Variants in PTAR1 observed in about 807,000 individuals in gnomAD.
The protein encoded by PTAR1 is protein prenyltransferase alpha subunit repeat-containing protein 1.
PTAR1 carries 17 observed loss-of-function variants against 45.5 expected under a neutral mutation model. The ratio of observed to expected loss-of-function variants is 0.37; its 90% CI spans 0.26 to 0.56. PTAR1 has a LOEUF of 0.56. Ranked by LOEUF, PTAR1 falls within the 20% of genes least tolerant of loss-of-function variation. The pLI is 0.77. For missense variants in PTAR1, 391 were observed against 476.3 expected (o/e 0.82, Z 1.67); for synonymous variants, 169 against 171.3 (o/e 0.99, Z 0.11).
chr9:69,749,318 C>T lies in PTAR1; in HGVS notation c.256+1463G>A, dbSNP rs146089748. Among the ~76,000 whole-genome samples, 212 of 152,150 alleles carry T rather than the reference C, an allele frequency of 1.4e-3. 6 individuals are homozygous for T. The East Asian group carries it at 0.034, about 25-fold the overall frequency. On this transcript the variant is annotated intron_variant, in intron 2 of 7. Transcript: ENST00000340434. Reference sequence around the variant, plus strand: ...AACTAAAGTTAGTTATACATTGGTTCGATTATGCATTTCTGTGCACCAGAA... The same window carrying T: ...AACTAAAGTTAGTTATACATTGGTTTGATTATGCATTTCTGTGCACCAGAA...
rs1009481842 is a variant in PTAR1, at chr9:69,759,990, C to A, written c.-52G>T. Reference sequence around the variant, plus strand: ...CGCGCCTCCGCGTGAGCCGGGCCGCCGGCGGGAGTTCCGCGGAGAACGAGC... The same window carrying A: ...CGCGCCTCCGCGTGAGCCGGGCCGCAGGCGGGAGTTCCGCGGAGAACGAGC... On this transcript the variant is annotated 5_prime_UTR_variant, in exon 1 of 8. Transcript: ENST00000340434. The A allele has an allele frequency of 8.6e-6, 12 of 1,393,830 alleles. No individual in the cohort carries two copies. Among genetic ancestry groups the A allele is most frequent in the African/African-American group, 1.5e-5 (1 of 65,718 alleles). The allele number at this position is 1,393,830 out of a possible 1,614,324, so 86.3% of individuals were successfully genotyped here. A position where few individuals can be genotyped will look rare whatever the true frequency, so the allele number is the denominator to read the frequency against.
chr9:69,742,407 C>T (rs1332867302), intron 2 of PTAR1, among the ~76,000 whole-genome samples: 2 of 152,058 alleles, frequency 1.3e-5, no homozygotes, highest in African/African-American at 4.8e-5. Context: ...TCATATGCAT[C>T]CTCCTATATT....
At position 69,718,140 on chromosome 9, in the gene PTAR1, A is replaced by G. The variant is rs996796227; in HGVS notation, c.*202T>C. On this transcript the variant is annotated 3_prime_UTR_variant, in exon 8 of 8. Transcript: ENST00000340434. ...TAAGACTCGCTGTTCAGCAGGAAGG[A>G]ACTATACGATTATTTTATCCCCACA... 1.2e-5 allele frequency: 6 copies of G among 504,644 alleles called. No individual in the cohort carries two copies. The highest frequency in any genetic ancestry group is 7.6e-5 in the African/African-American group (4 of 52,410). The allele number at this position is 504,644 out of a possible 1,614,324, so 31.3% of individuals were successfully genotyped here. A position where few individuals can be genotyped will look rare whatever the true frequency, so the allele number is the denominator to read the frequency against.
At chr9:69,744,589 T>C (rs1826188724) in intron 2 of PTAR1, among the ~76,000 whole-genome samples, 1 of 152,176 alleles carries the variant, frequency 6.6e-6, no homozygotes, top group East Asian at 1.9e-4. Flanking sequence ...TTTCACCATG[T>C]TGCCCAGGGT....
At chr9:69,752,417 A>T (rs1416266351) in intron 1 of PTAR1, among the ~76,000 whole-genome samples, 1 of 152,084 alleles carries the variant, frequency 6.6e-6, no homozygotes, top group Non-Finnish European at 1.5e-5. Flanking sequence ...TGGCACAGGG[A>T]TTTATCAATA....
chr9:69,740,939 T>G (rs1031162826), intron 3 of PTAR1, among the ~76,000 whole-genome samples: 7 of 152,204 alleles, frequency 4.6e-5, no homozygotes, highest in Non-Finnish European at 8.8e-5. Flanking sequence ...GATATTTCCA[T>G]TTTTTGCTAG....
At chr9:69,759,001 TG>T (rs1564152681) in intron 1 of PTAR1, among the ~76,000 whole-genome samples, 2 of 150,218 alleles carry the variant, frequency 1.3e-5, no homozygotes, top group Non-Finnish European at 2.9e-5. Flanking sequence ...CTTTGTATAA[TG>T]TAGATCTCTC....
intron 6 of PTAR1, among the ~76,000 whole-genome samples, chr9:69,721,825 T>A (rs904499289): frequency 6.6e-6 from 1 of 152,206 alleles, no homozygotes; most frequent in Admixed American, 6.5e-5. Flanking sequence ...ATTTTTTTTT[T>A]AGACATAATG....
intron 2 of PTAR1, among the ~76,000 whole-genome samples, chr9:69,742,239 AT>A (rs1184447257): frequency 6.6e-6 from 1 of 152,078 alleles, no homozygotes; most frequent in African/African-American, 2.4e-5. Flanking sequence ...GTGTGTGCGA[AT>A]TTTCAAAAGG....
intron 1 of PTAR1, chr9:69,758,634 GC>G: frequency 2.7e-6 from 1 of 373,604 alleles, no homozygotes; most frequent in South Asian, 2.0e-5. Context: ...TGGCACAGTT[GC>G]ACGTCTCCAA....
intron 6 of PTAR1, among the ~76,000 whole-genome samples, chr9:69,721,100 G>A (rs1349438968): frequency 6.6e-6 from 1 of 152,138 alleles, no homozygotes; most frequent in Admixed American, 6.5e-5. Flanking sequence ...AATGGATCTG[G>A]GCAAAGTAAA....
In PTAR1 at chr9:69,714,050, G is replaced by C. The variant is rs1564120332; in HGVS notation, c.*4292C>G. 1.3e-5 allele frequency: 2 copies of C among 152,032 alleles called. No homozygotes were observed. Among genetic ancestry groups the C allele is most frequent in the African/African-American group, 4.8e-5 (2 of 41,420 alleles). The allele number at this position is 152,032 out of a possible 1,614,324, so 9.4% of individuals were successfully genotyped here. ...ACAGTTATTTTTTAAAAGACACTAT[G>C]TGACAATAAGGAATTCTTAGGGTTG... On this transcript the variant is annotated 3_prime_UTR_variant, in exon 8 of 8. Coordinates refer to ENST00000340434, the MANE Select transcript of PTAR1 (RefSeq NM_001099666.2).
intron 1 of PTAR1, among the ~76,000 whole-genome samples, chr9:69,754,532 C>CT (rs60025062): frequency 0.014 from 1,092 of 76,248 alleles, 32 homozygotes; most frequent in African/African-American, 0.017. Context: ...GGGTATATAT[C>CT]TTTTTTTTTT....
At chr9:69,735,857 G>A (rs989976676) in intron 3 of PTAR1, among the ~76,000 whole-genome samples, 3 of 151,262 alleles carry the variant, frequency 2.0e-5, no homozygotes, top group African/African-American at 7.3e-5. Flanking sequence ...CTTTCCAACA[G>A]TGACATACTA....
chr9:69,740,411 T>G (rs761279462), intron 3 of PTAR1, among the ~76,000 whole-genome samples: 12 of 149,782 alleles, frequency 8.0e-5, no homozygotes, highest in African/African-American at 1.5e-4. Flanking sequence ...TGTATACAGG[T>G]GTGTGTGTGT....
chr9:69,756,715 G>A (rs760360925), intron 1 of PTAR1, among the ~76,000 whole-genome samples: 3 of 151,914 alleles, frequency 2.0e-5, no homozygotes, highest in Non-Finnish European at 2.9e-5. Flanking sequence ...ACCCCTATCC[G>A]AGACATAACC....
In PTAR1 at chr9:69,718,703, G is replaced by A. The variant is rs750024921; in HGVS notation, c.948-19C>T. ...ATGCCGCCTGCGATAGAGAGGGGAAGGAAGAGAATAAAGAAAATCACATTA... is the reference window on the plus strand; with the variant it reads ...ATGCCGCCTGCGATAGAGAGGGGAAAGAAGAGAATAAAGAAAATCACATTA... On this transcript the variant is annotated intron_variant, in intron 6 of 7. Transcript: ENST00000340434. The A allele has an allele frequency of 1.5e-5, 22 of 1,503,042 alleles. No individual in the cohort carries two copies. The highest frequency in any genetic ancestry group is 2.3e-5 in the Admixed American group (1 of 44,160). 93.1% of individuals were successfully genotyped at this position (1,503,042 alleles called of 1,614,324 possible).
intron 5 of PTAR1, among the ~76,000 whole-genome samples, chr9:69,725,911 A>AT (rs1825255485): frequency 6.6e-6 from 1 of 152,152 alleles, no homozygotes; most frequent in Non-Finnish European, 1.5e-5. Context: ...TATACGTTAA[A>AT]TATCTTTCTT....
intron 4 of PTAR1, 49 bp from the exon 5 acceptor site, chr9:69,732,401 G>A (rs1293521752): frequency 7.5e-7 from 1 of 1,335,806 alleles, no homozygotes; most frequent in Non-Finnish European, 1.1e-6. Flanking sequence ...ACATAAACCA[G>A]AGAGAAAAAT....
Sources: gnomAD v4.1 joint callset for allele counts (sites outside exome capture counted in the v4.1 genomes callset) on GRCh38, gnomAD v4.1.1 for gene constraint, MANE v1.5 for transcripts, NCBI Gene and HGNC (gene_info 2026-07-23, HGNC 2026-07-21) for gene names.